Variants in DCUN1D1 observed in about 807,000 individuals in gnomAD.
DCUN1D1 encodes DCN1-like protein 1.
A neutral mutation model predicts 39.0 loss-of-function variants in DCUN1D1; 3 were observed. That is an observed-to-expected ratio of 0.08 (90% CI 0.04 to 0.20). The LOEUF is 0.20. DCUN1D1 is among the 10% of genes least tolerant of loss of function. The pLI is 1.00. For synonymous variants in DCUN1D1, 82 were observed against 96.3 expected, an observed-to-expected ratio of 0.85 and a Z score of 0.87; for missense variants, 158 against 302.4, an observed-to-expected ratio of 0.52 and a Z score of 3.54.
intron 3 of DCUN1D1, 151 bp from the exon 4 acceptor site, chr3:182,961,507 T>A: frequency 1.4e-6 from 1 of 724,078 alleles, no homozygotes; most frequent in Non-Finnish European, 2.3e-6. Flanking sequence ...TACATAAATA[T>A]AAACACGCAT....
chr3:182,955,363 T>C, intron 4 of DCUN1D1: 1 of 540,260 alleles, frequency 1.9e-6, no homozygotes. Context: ...ATATTCTCTG[T>C]TTTTCCTGGT....
chr3:182,958,653 C>T (rs1727219549), intron 4 of DCUN1D1, among the ~76,000 whole-genome samples: 1 of 152,140 alleles, frequency 6.6e-6, no homozygotes, highest in Non-Finnish European at 1.5e-5. Flanking sequence ...AAAAACTCTA[C>T]ATCCTTTAAA....
upstream of DCUN1D1, among the ~76,000 whole-genome samples, chr3:182,981,180 G>C (rs751689510): frequency 3.3e-5 from 5 of 152,090 alleles, no homozygotes; most frequent in African/African-American, 7.2e-5. Flanking sequence ...CCTGTCTACT[G>C]GGAGACAGTT....
intron 1 of DCUN1D1, among the ~76,000 whole-genome samples, chr3:182,969,434 G>A (rs1265533763): frequency 6.6e-6 from 1 of 152,188 alleles, no homozygotes; most frequent in East Asian, 1.9e-4. Flanking sequence ...ATAGAAAATT[G>A]AGGTGGAAGA....
chr3:182,981,403 A>G (rs539649289), upstream of DCUN1D1, among the ~76,000 whole-genome samples: 1 of 152,302 alleles, frequency 6.6e-6, no homozygotes, highest in East Asian at 1.9e-4. Flanking sequence ...CGTTAAATCA[A>G]CTGAGGCTGA....
rs1474299407 is a variant in DCUN1D1 at position 182,940,564 on chromosome 3, T to G, written c.*4530A>C. The G allele has an allele frequency of 6.6e-6, 1 of 152,234 alleles. No individual in the cohort carries two copies. The highest frequency in any genetic ancestry group is 1.9e-4 in the East Asian group (1 of 5,188). 9.4% of individuals were successfully genotyped at this position (152,234 alleles called of 1,614,324 possible). A position where few individuals can be genotyped will look rare whatever the true frequency, so the allele number is the denominator to read the frequency against. ...TCTAAAGCCAATCATTAAAAAAAATTTTTTTAACTGAGTATTTTTCCCCAA... is the reference window on the plus strand; with the variant it reads ...TCTAAAGCCAATCATTAAAAAAAATGTTTTTAACTGAGTATTTTTCCCCAA... On this transcript the variant is annotated 3_prime_UTR_variant, in exon 7 of 7. Coordinates refer to ENST00000292782, the MANE Select transcript of DCUN1D1 (RefSeq NM_020640.4).
chr3:182,968,136 C>T (rs905525907), intron 1 of DCUN1D1, among the ~76,000 whole-genome samples: 4 of 152,082 alleles, frequency 2.6e-5, no homozygotes, highest in Non-Finnish European at 4.4e-5. Context: ...CTCAAACGCC[C>T]GGGCTCAAGC....
chr3:182,948,775 C>G (rs1028035316), intron 4 of DCUN1D1, among the ~76,000 whole-genome samples: 1 of 152,046 alleles, frequency 6.6e-6, no homozygotes, highest in Non-Finnish European at 1.5e-5. Context: ...AAGAGCCAGG[C>G]GGGGTGGCTC....
chr3:182,970,699 GCT>G (rs1727891898), intron 1 of DCUN1D1, among the ~76,000 whole-genome samples: 1 of 152,130 alleles, frequency 6.6e-6, no homozygotes. Flanking sequence ...CTCACTAAAA[GCT>G]CTGTATGTTG....
chr3:182,968,309 G>A (rs1727770490), intron 1 of DCUN1D1, among the ~76,000 whole-genome samples: 1 of 152,096 alleles, frequency 6.6e-6, no homozygotes, highest in Non-Finnish European at 1.5e-5. Flanking sequence ...ATTTGTCTGG[G>A]GTTTTATCAT....
Position 182,966,010 on chromosome 3 carries a change from A to T in DCUN1D1, c.4-257T>A, listed in dbSNP as rs1376348283. ...AGCTCAACCACCCAGCGTTTCTCCTACAGTGGGTCCTGAGAGCATACAGAA... is the reference window on the plus strand; with the variant it reads ...AGCTCAACCACCCAGCGTTTCTCCTTCAGTGGGTCCTGAGAGCATACAGAA... On this transcript the variant is annotated intron_variant, in intron 1 of 6. Coordinates refer to ENST00000292782, the MANE Select transcript of DCUN1D1 (RefSeq NM_020640.4). Among the ~76,000 whole-genome samples the T allele has an allele frequency of 3.3e-5, 5 of 152,144 alleles. No individual in the cohort carries two copies. The East Asian group carries it at 9.7e-4, about 29-fold the overall frequency.
In DCUN1D1 at chr3:182,938,922, A is replaced by G. The variant is rs1726006844; in HGVS notation, c.*6172T>C. On this transcript the variant is annotated 3_prime_UTR_variant, in exon 7 of 7. Coordinates refer to ENST00000292782, the MANE Select transcript of DCUN1D1 (RefSeq NM_020640.4). The stretch of plus-strand genomic sequence containing the variant: ...CCTTGGTACAAACAATAACAGAGCC[A>G]AAGCACCAGCCATCAGCACCACTCT... 6.6e-6 allele frequency: 1 copy of G among 152,518 alleles called. No homozygotes were observed. Among genetic ancestry groups the G allele is most frequent in the African/African-American group, 2.4e-5 (1 of 41,464 alleles). 9.4% of individuals were successfully genotyped at this position (152,518 alleles called of 1,614,324 possible).
rs572634631 is a variant in DCUN1D1 at position 182,938,488 on chromosome 3, T to C, written c.*6606A>G. The C allele has an allele frequency of 2.0e-5, 3 of 152,310 alleles. No homozygotes were observed. Among genetic ancestry groups the C allele is most frequent in the Non-Finnish European group, 2.9e-5 (2 of 68,022 alleles). 9.4% of individuals were successfully genotyped at this position (152,310 alleles called of 1,614,324 possible). On this transcript the variant is annotated 3_prime_UTR_variant, in exon 7 of 7. Transcript: ENST00000292782. The stretch of plus-strand genomic sequence containing the variant: ...AGTCCTTATCTTTTAGACATACATA[T>C]TGAAATATTTACAAATGAAATGATT...
chr3:182,963,210 AT>A (rs1055227378), intron 3 of DCUN1D1, among the ~76,000 whole-genome samples: 1 of 152,204 alleles, frequency 6.6e-6, no homozygotes, highest in African/African-American at 2.4e-5. Flanking sequence ...TAAAATGGGG[AT>A]AGAAAACTAT....
intron 4 of DCUN1D1, among the ~76,000 whole-genome samples, chr3:182,958,487 G>A (rs1244302568): frequency 2.0e-5 from 3 of 152,090 alleles, no homozygotes; most frequent in Non-Finnish European, 4.4e-5. Context: ...ATTGTACACT[G>A]TATGGCTGTG....
intron 4 of DCUN1D1, among the ~76,000 whole-genome samples, chr3:182,959,562 T>C (rs1727277291): frequency 6.8e-6 from 1 of 147,886 alleles, no homozygotes; most frequent in Non-Finnish European, 1.5e-5. Flanking sequence ...TACTTAACCT[T>C]CCTGTGCCTA....
chr3:182,958,638 G>A (rs940682514), intron 4 of DCUN1D1, among the ~76,000 whole-genome samples: 3 of 152,052 alleles, frequency 2.0e-5, no homozygotes, highest in South Asian at 2.1e-4. Context: ...CTCATCTTAT[G>A]AAACAAAAAC....
At chr3:182,957,569 T>C (rs917495435) in intron 4 of DCUN1D1, among the ~76,000 whole-genome samples, 3 of 151,770 alleles carry the variant, frequency 2.0e-5, no homozygotes, top group African/African-American at 7.3e-5. Context: ...GAGACTGCAG[T>C]GAGCTACGAT....
At position 182,941,534 on chromosome 3, in the gene DCUN1D1, C is replaced by T. The variant is rs1305114367; in HGVS notation, c.*3560G>A. On this transcript the variant is annotated 3_prime_UTR_variant, in exon 7 of 7. Coordinates refer to ENST00000292782, the MANE Select transcript of DCUN1D1 (RefSeq NM_020640.4). ...GAAATCACAATTCAGGTTTTGTGTC[C>T]CCATTTATATGTTAAATAGTTCACA... 2.6e-5 allele frequency: 4 copies of T among 151,668 alleles called. No individual in the cohort carries two copies. Among genetic ancestry groups the T allele is most frequent in the East Asian group, 1.9e-4 (1 of 5,188 alleles). 9.4% of individuals were successfully genotyped at this position (151,668 alleles called of 1,614,324 possible).
Sources: gnomAD v4.1 joint callset for allele counts (sites outside exome capture counted in the v4.1 genomes callset) on GRCh38, gnomAD v4.1.1 for gene constraint, MANE v1.5 for transcripts, NCBI Gene and HGNC (gene_info 2026-07-23, HGNC 2026-07-21) for gene names.